The following CDYL variants were observed in gnomAD, a reference collection of about 807,000 sequenced individuals.
CDYL encodes the protein chromodomain Y like.
CDYL carries 8 observed loss-of-function variants against 47.3 expected under a neutral mutation model. That is an observed-to-expected ratio of 0.17 (90% CI 0.10 to 0.31). The LOEUF (loss-of-function observed/expected upper bound fraction) is 0.31. Ranked by LOEUF, CDYL falls within the 10% of genes least tolerant of loss-of-function variation. The pLI, the probability that CDYL is intolerant of heterozygous loss-of-function variation, is 1.00. For synonymous variants in CDYL, 266 were observed against 265.0 expected, an observed-to-expected ratio of 1.00 and a Z score of -0.04; for missense variants, 471 against 701.4, an observed-to-expected ratio of 0.67 and a Z score of 3.71.
chr6:4,746,761 G>A (rs1757905786), intron 3 of CDYL, among the ~76,000 whole-genome samples: 1 of 152,118 alleles, frequency 6.6e-6, no homozygotes, highest in South Asian at 2.1e-4. Context: ...AGAAGCTGTG[G>A]GGTCGCTGGC....
intron 1 of CDYL, among the ~76,000 whole-genome samples, chr6:4,813,781 G>A (rs781285767): frequency 2.6e-5 from 4 of 151,366 alleles, no homozygotes; most frequent in Non-Finnish European, 2.9e-5. Flanking sequence ...TCGTTTTTCT[G>A]TTTTTTTTCA....
chr6:4,922,708 A>G (rs1429053299), intron 2 of CDYL, among the ~76,000 whole-genome samples: 1 of 152,184 alleles, frequency 6.6e-6, no homozygotes, highest in Non-Finnish European at 1.5e-5. Flanking sequence ...CCTCTGATTT[A>G]TGGGAATTGT....
At chr6:4,837,528 G>A (rs1164828968) in intron 1 of CDYL, among the ~76,000 whole-genome samples, 2 of 147,654 alleles carry the variant, frequency 1.4e-5, no homozygotes, top group East Asian at 2.0e-4. Context: ...GCAGTGGCAC[G>A]ATCTTGGCTC....
intron 2 of CDYL, among the ~76,000 whole-genome samples, chr6:4,899,795 G>A (rs1264467581): frequency 1.3e-5 from 2 of 152,134 alleles, no homozygotes; most frequent in African/African-American, 4.8e-5. Flanking sequence ...TTTAGGGAAC[G>A]AACCCTGCCA....
chr6:4,836,211 G>T (rs544894724), intron 1 of CDYL: 75 of 920,162 alleles, frequency 8.2e-5, no homozygotes, highest in Non-Finnish European at 9.6e-5. Context: ...GTTCCTATTC[G>T]GCCATCTTGG....
intron 3 of CDYL, among the ~76,000 whole-genome samples, chr6:4,735,911 G>GT (rs1354577624): frequency 6.6e-6 from 1 of 152,148 alleles, no homozygotes; most frequent in African/African-American, 2.4e-5. Flanking sequence ...GTGATGGGGG[G>GT]GGGTGGGATG....
intron 3 of CDYL, among the ~76,000 whole-genome samples, chr6:4,746,002 C>A (rs189968660): frequency 1.3e-5 from 2 of 152,322 alleles, no homozygotes; most frequent in East Asian, 3.9e-4. Context: ...CTACACTCAC[C>A]AGCATGGACT....
chr6:4,761,412 C>T (rs1758172988), intron 3 of CDYL, among the ~76,000 whole-genome samples: 1 of 152,168 alleles, frequency 6.6e-6, no homozygotes, highest in South Asian at 2.1e-4. Context: ...GGCACAATCT[C>T]GGCTCGCTGC....
chr6:4,890,620 T>C (rs73348337), intron 1 of CDYL, among the ~76,000 whole-genome samples: 6,694 of 152,332 alleles, frequency 0.044, 492 homozygotes, highest in African/African-American at 0.15. Flanking sequence ...TCCCGTTCTC[T>C]ACGATCATCA....
intron 1 of CDYL, among the ~76,000 whole-genome samples, chr6:4,814,289 G>A (rs981763663): frequency 1.3e-5 from 2 of 152,066 alleles, no homozygotes; most frequent in African/African-American, 2.4e-5. Flanking sequence ...CTATTTTTAT[G>A]TTAGTTAATT....
At chr6:4,829,327 A>G (rs1385832734) in intron 1 of CDYL, among the ~76,000 whole-genome samples, 1 of 152,202 alleles carries the variant, frequency 6.6e-6, no homozygotes, top group African/African-American at 2.4e-5. Context: ...GTTTGTGGTC[A>G]CTGAAGCCTC....
At chr6:4,735,901 G>A (rs1237726766) in intron 3 of CDYL, among the ~76,000 whole-genome samples, 2 of 37,876 alleles carry the variant, frequency 5.3e-5, no homozygotes, top group Non-Finnish European at 9.0e-5. Flanking sequence ...ATGTGTGCAC[G>A]TGATGGGGGG....
intron 2 of CDYL, among the ~76,000 whole-genome samples, chr6:4,725,132 TTTGTGTCTA>T (rs1393143896): frequency 6.6e-6 from 1 of 152,090 alleles, no homozygotes; most frequent in Non-Finnish European, 1.5e-5. Flanking sequence ...AGACACAGGG[TTTGTGTCTA>T]GCTGATTGGT....
chr6:4,712,330 A>G (rs368890686), intron 1 of CDYL, among the ~76,000 whole-genome samples: 104 of 152,316 alleles, frequency 6.8e-4, no homozygotes, highest in African/African-American at 2.4e-3. Context: ...CATGAGGTGC[A>G]GAGATACTAG....
Position 4,849,485 on chromosome 6 carries a change from G to C in CDYL, c.25-42228G>C, listed in dbSNP as rs576777943. Among the ~76,000 whole-genome samples the C allele has an allele frequency of 3.9e-5, 6 of 152,256 alleles. No homozygotes were observed. The East Asian group carries it at 1.2e-3, about 29-fold the overall frequency. ...AGCAGCACGATAATTCGTGTGGTGT[G>C]TTCTTTTTAAAGATTAACAATCTTA... On this transcript the variant is annotated intron_variant, in intron 1 of 6. Coordinates refer to ENST00000397588, the MANE Select transcript of CDYL (RefSeq NM_004824.4).
chr6:4,933,231 A>T (rs750587239), intron 2 of CDYL, among the ~76,000 whole-genome samples: 3 of 151,738 alleles, frequency 2.0e-5, no homozygotes, highest in Non-Finnish European at 4.4e-5. Flanking sequence ...TCTGGCACCA[A>T]CCCCAAGTAC....
intron 1 of CDYL, among the ~76,000 whole-genome samples, chr6:4,875,812 A>C (rs1275280534): frequency 1.3e-5 from 2 of 152,216 alleles, no homozygotes; most frequent in African/African-American, 4.8e-5. Flanking sequence ...CCCACTACAA[A>C]GAATGTCGTT....
At chr6:4,784,147 A>G (rs1758692033) in intron 1 of CDYL, among the ~76,000 whole-genome samples, 1 of 152,158 alleles carries the variant, frequency 6.6e-6, no homozygotes, top group Non-Finnish European at 1.5e-5. Flanking sequence ...ATTGAGTTTT[A>G]ATTTTCAATA....
At chr6:4,743,126 T>G (rs1398173516) in intron 3 of CDYL, among the ~76,000 whole-genome samples, 2 of 152,198 alleles carry the variant, frequency 1.3e-5, no homozygotes, top group Non-Finnish European at 2.9e-5. Context: ...CTGGCTGCCT[T>G]GAGACCATTT....
Sources: gnomAD v4.1 joint callset for allele counts (sites outside exome capture counted in the v4.1 genomes callset) on GRCh38, gnomAD v4.1.1 for gene constraint, MANE v1.5 for transcripts, NCBI Gene and HGNC (gene_info 2026-07-23, HGNC 2026-07-21) for gene names.